ZNF254: variants seen among roughly 807,000 people sequenced by gnomAD.
ZNF254 encodes the protein CTD-2017D11.1.
In ZNF254, 10 loss-of-function variants were observed where a neutral mutation model predicts 12.4. The observed-to-expected ratio is 0.80, with a 90% CI of 0.50 to 1.36. The LOEUF (loss-of-function observed/expected upper bound fraction) is 1.36. Among genes scored for constraint, ZNF254 ranks in the 40% most tolerant of loss-of-function variants. The probability of loss-of-function intolerance (pLI) is 0.00; values close to 1 mark genes in which losing one functional copy is unlikely to be tolerated. For synonymous variants in ZNF254, 305 were observed against 253.4 expected (o/e 1.20, Z -1.93); for missense variants, 996 against 763.9 (o/e 1.30, Z -3.58).
intron 1 of ZNF254, among the ~76,000 whole-genome samples, chr19:24,033,929 G>T (rs540808801): frequency 6.6e-6 from 1 of 152,358 alleles, no homozygotes; most frequent in African/African-American, 2.4e-5. Flanking sequence ...TGCGTGGCAG[G>T]AGCTGCGGCA....
upstream of ZNF254, among the ~76,000 whole-genome samples, chr19:24,083,271 A>C (rs1441539930): frequency 3.3e-5 from 5 of 152,152 alleles, no homozygotes; most frequent in African/African-American, 1.2e-4. Flanking sequence ...GCCATGAAAG[A>C]TCTCTACAAG....
At chr19:24,085,463 TAGAG>T (rs199560972), upstream of ZNF254, among the ~76,000 whole-genome samples, 1,917 of 116,246 alleles carry the variant, frequency 0.016, 49 homozygotes, top group African/African-American at 0.056. Flanking sequence ...AATTTTTTTA[TAGAG>T]AGTGTATAAA....
intron 2 of ZNF254, among the ~76,000 whole-genome samples, chr19:24,056,387 A>G (rs1375186396): frequency 2.0e-5 from 3 of 151,770 alleles, no homozygotes; most frequent in Non-Finnish European, 4.4e-5. Context: ...TCACAGAGGG[A>G]ATTTTGACAT....
rs753480265 is a variant in ZNF254 at position 24,126,588 on chromosome 19, T to C, written c.588T>C (p.His196=). The C allele has an allele frequency of 3.7e-6, 6 of 1,603,670 alleles. No homozygotes were observed. The highest frequency in any genetic ancestry group is 1.7e-4 in the Middle Eastern group (1 of 5,990). Residue 196 remains histidine, a synonymous_variant, in exon 4 of 4, where the codon CAT becomes CAC. Transcript: ENST00000357002. The part of the protein sequence containing the change: ...KRVKLFCMLS[H]KTQHKSIYHR... Reference sequence around the variant, plus strand: ...TCAAATTATTTTGCATGCTTTCACATAAAACCCAACACAAAAGCATTTATC... The same window carrying C: ...TCAAATTATTTTGCATGCTTTCACACAAAACCCAACACAAAAGCATTTATC...
At chr19:24,080,817 G>T (rs1487093864) in intron 2 of ZNF254, 1 of 147,910 alleles carries the variant, frequency 6.8e-6, no homozygotes, top group East Asian at 2.0e-4. Flanking sequence ...TGAGTTGCGA[G>T]TTGCCTCATG....
At chr19:24,056,112 CAT>C (rs1419636886) in intron 2 of ZNF254, among the ~76,000 whole-genome samples, 1 of 152,158 alleles carries the variant, frequency 6.6e-6, no homozygotes. Context: ...GACATTGTGA[CAT>C]ATCGCTGGAC....
At chr19:24,087,378 C>G in intron 1 of ZNF254, 41 bp downstream of exon 1, 1 of 1,612,040 alleles carries the variant, frequency 6.2e-7, no homozygotes, top group Non-Finnish European at 8.5e-7. Flanking sequence ...GGGGAGGGGG[C>G]TGGTTGGAAC....
intron 3 of ZNF254, among the ~76,000 whole-genome samples, chr19:24,118,354 G>C (rs763795956): frequency 6.6e-6 from 1 of 151,970 alleles, no homozygotes; most frequent in African/African-American, 2.4e-5. Flanking sequence ...ACTTGGCCAA[G>C]GGTTTTACTG....
chr19:24,107,887 G>C (rs796599390), intron 3 of ZNF254, among the ~76,000 whole-genome samples: 27 of 152,318 alleles, frequency 1.8e-4, no homozygotes, highest in African/African-American at 6.5e-4. Context: ...CCTTAAGGCT[G>C]CTGGGTTTGC....
Position 24,129,703 on chromosome 19 carries a change from A to C in ZNF254, c.*1723A>C, listed in dbSNP as rs900775811. On this transcript the variant is annotated 3_prime_UTR_variant, in exon 4 of 4. Transcript: ENST00000357002. ...CTCTAGCATTTATTCTTTTTATTAC[A>C]AGCAATTCAATTGTACACTTTTAGT... The C allele has an allele frequency of 6.6e-6, 1 of 152,024 alleles. No homozygotes were observed. Among genetic ancestry groups the C allele is most frequent in the Non-Finnish European group, 1.5e-5 (1 of 67,932 alleles). 9.4% of individuals were successfully genotyped at this position (152,024 alleles called of 1,614,324 possible).
intron 2 of ZNF254, among the ~76,000 whole-genome samples, chr19:24,081,446 A>G (rs1014522697): frequency 6.6e-6 from 1 of 152,176 alleles, no homozygotes; most frequent in African/African-American, 2.4e-5. Context: ...TTTGCTAGAC[A>G]CTCCAATTAA....
rs573268107 is a variant in ZNF254 at position 24,125,821 on chromosome 19, A to T, written c.254-433A>T. The stretch of plus-strand genomic sequence containing the variant: ...ATTTCTTTCAGTACTTTATGTCATG[A>T]GAGACAGAAACCAGTGTCAGGAAAA... On this transcript the variant is annotated intron_variant, in intron 3 of 3. Transcript: ENST00000357002. Among the ~76,000 whole-genome samples, 3 of 152,256 alleles carry T rather than the reference A, an allele frequency of 2.0e-5. No individual in the cohort carries two copies. The South Asian group carries it at 6.2e-4, about 32-fold the overall frequency.
Position 24,126,541 on chromosome 19 carries a change from T to C in ZNF254, c.541T>C (p.Ser181Pro), listed in dbSNP as rs754766755. Reference sequence around the variant, plus strand: ...TAAGATAAGACATACTGAAAAGAAATCTTTCAAATGTAAAAAACGTGTCAA... The same window carrying C: ...TAAGATAAGACATACTGAAAAGAAACCTTTCAAATGTAAAAAACGTGTCAA... ...RPKIRHTEKK[S>P]FKCKKRVKLF... is the part of the protein sequence containing the mutation. Residue 181 changes from serine (S) to proline (P), a missense_variant, in exon 4 of 4, where the codon TCT (serine) becomes CCT (proline). Physicochemically the swap from Ser to Pro is moderately conservative, Grantham distance 74. Transcript: ENST00000357002. 6.2e-7 allele frequency: 1 copy of C among 1,601,746 alleles called. No homozygotes were observed. The highest frequency in any genetic ancestry group is 1.1e-5 in the South Asian group (1 of 88,120).
rs556158525 is a variant in ZNF254 at position 24,127,828 on chromosome 19, G to A, written c.1828G>A (p.Ala610Thr). ...KPYKCEECGK[A>T]FFWSSTLTKH... ...CTACAAATGTGAAGAATGTGGCAAA[G>A]CATTTTTCTGGTCCTCAACCCTAAC... The change falls in exon 4 of 4, where the codon GCA becomes ACA. Residue 610 changes from alanine to threonine, a missense_variant. Physicochemically the swap from Ala to Thr is moderately conservative, Grantham distance 58. Transcript: ENST00000357002. 4.3e-6 allele frequency: 7 copies of A among 1,613,204 alleles called. No homozygotes were observed. The Admixed American group carries it at 8.3e-5, about 19-fold the overall frequency.
intron 2 of ZNF254, among the ~76,000 whole-genome samples, chr19:24,076,067 A>G (rs1293722971): frequency 6.6e-6 from 1 of 152,242 alleles, no homozygotes; most frequent in Admixed American, 6.5e-5. Context: ...TTGTTCAAAC[A>G]CACATGTTTT....
At chr19:24,073,346 CT>C (rs1442271087) in intron 2 of ZNF254, among the ~76,000 whole-genome samples, 1 of 152,176 alleles carries the variant, frequency 6.6e-6, no homozygotes, top group Non-Finnish European at 1.5e-5. Flanking sequence ...AGAGTCTCTT[CT>C]TGGGACCCAG....
exon 1 of ZNF254, chr19:24,033,493 C>G: frequency 4.9e-6 from 1 of 202,522 alleles, no homozygotes; most frequent in Non-Finnish European, 1.0e-5. Flanking sequence ...TGGAATCCGT[C>G]TCTGCTCTTC....
intron 2 of ZNF254, among the ~76,000 whole-genome samples, chr19:24,047,619 C>G (rs1254114642): frequency 1.9e-5 from 2 of 106,512 alleles, no homozygotes; most frequent in East Asian, 5.7e-4. Flanking sequence ...TTTTTTTGCT[C>G]TCTCTCTTGC....
intron 1 of ZNF254, among the ~76,000 whole-genome samples, chr19:24,100,388 G>GAA (rs200215068): frequency 2.6e-4 from 22 of 85,080 alleles, no homozygotes; most frequent in South Asian, 1.2e-3. Context: ...CTTGAAATTT[G>GAA]AAAAAAAAAA....
Sources: allele counts gnomAD v4.1 joint callset (sites outside exome capture counted in the v4.1 genomes callset), GRCh38; gene constraint gnomAD v4.1.1; transcripts MANE v1.5; gene names NCBI Gene and HGNC (gene_info 2026-07-23, HGNC 2026-07-21).